Variants in MFSD11 observed in about 807,000 individuals in gnomAD.
The protein encoded by MFSD11 is major facilitator superfamily domain containing 11.
MFSD11 carries 36 observed loss-of-function variants against 53.5 expected under a neutral mutation model. That is an observed-to-expected ratio of 0.67 (90% CI 0.52 to 0.89). MFSD11 has a LOEUF of 0.89. MFSD11 is among the 40% of genes least tolerant of loss of function. The pLI is 0.00. For missense variants in MFSD11, 530 were observed against 543.9 expected, an observed-to-expected ratio of 0.97 and a Z score of 0.25; for synonymous variants, 186 against 184.9, an observed-to-expected ratio of 1.01 and a Z score of -0.05.
Position 76,757,370 on chromosome 17 carries a change from G to C in MFSD11, c.682+3283G>C, listed in dbSNP as rs541410438. On this transcript the variant is annotated intron_variant, in intron 8 of 12. Transcript: ENST00000685175. ...GGGTGCTGCAGGGAAAGTAGACTCA[G>C]GGGCCAGTTCCTGGGCAATTGGGGC... 8.5e-5 allele frequency among the ~76,000 whole-genome samples: 13 copies of C among 152,328 alleles called. No homozygotes were observed. The South Asian group carries it at 2.7e-3, about 32-fold the overall frequency.
upstream of MFSD11, chr17:76,737,873 G>A (rs1288009302): frequency 5.9e-6 from 1 of 168,332 alleles, no homozygotes; most frequent in Admixed American, 6.4e-5. Flanking sequence ...CGTCGGCTCT[G>A]CGTCCTGGCG....
At chr17:76,781,289 G>C (rs2082158039), downstream of MFSD11, 1 of 152,326 alleles carries the variant, frequency 6.6e-6, no homozygotes, top group South Asian at 2.1e-4. Context: ...ATGCTACGGA[G>C]TAGTCCTCAG....
chr17:76,755,911 CCT>C (rs964836227), intron 8 of MFSD11, among the ~76,000 whole-genome samples: 1 of 145,332 alleles, frequency 6.9e-6, no homozygotes, highest in African/African-American at 2.5e-5. Context: ...ACAACCTCCA[CCT>C]CCTGGGTTCA....
upstream of MFSD11, chr17:76,737,374 C>G: frequency 1.9e-6 from 1 of 527,792 alleles, no homozygotes; most frequent in Non-Finnish European, 3.2e-6. Context: ...TCGCTCCTCA[C>G]AAAATGGCGC....
At position 76,754,042 on chromosome 17, in the gene MFSD11, C is replaced by A; in HGVS notation, c.642-5C>A. On this transcript the variant is annotated splice_polypyrimidine_tract_variant and splice_region_variant and intron_variant, in intron 7 of 12. Transcript: ENST00000685175. ...AAACTTATTTTTTACATTTTATTTTCTCAGGTCTGCCCAGAACAATCTGAC... is the reference window on the plus strand; with the variant it reads ...AAACTTATTTTTTACATTTTATTTTATCAGGTCTGCCCAGAACAATCTGAC... 6.2e-7 allele frequency: 1 copy of A among 1,603,932 alleles called. No individual in the cohort carries two copies. Among genetic ancestry groups the A allele is most frequent in the Non-Finnish European group, 8.5e-7 (1 of 1,175,866 alleles).
chr17:76,752,820 A>T (rs1395290383), intron 7 of MFSD11: 1 of 152,184 alleles, frequency 6.6e-6, no homozygotes, highest in Non-Finnish European at 1.5e-5. Context: ...CCTGAGGTAA[A>T]TATTAGTACA....
chr17:76,791,605 TG>T, the MFSD11 span, among the ~76,000 whole-genome samples: 1 of 148,628 alleles, frequency 6.7e-6, no homozygotes, highest in Non-Finnish European at 1.5e-5. Flanking sequence ...CCATGTGCCG[TG>T]GGGGAGCCGC....
chr17:76,740,936 G>A (rs754868746), intron 2 of MFSD11, 21 bp from the exon 3 acceptor site: 34 of 1,135,288 alleles, frequency 3.0e-5, no homozygotes, highest in South Asian at 8.5e-5. Context: ...TTTTTTTTCC[G>A]TTTGTGTATT....
At position 76,742,201 on chromosome 17, in the gene MFSD11, G is replaced by T; in HGVS notation, c.365G>T (p.Cys122Phe). 1 of 1,614,184 alleles carries T rather than the reference G, an allele frequency of 6.2e-7. No individual in the cohort carries two copies. The highest frequency in any genetic ancestry group is 2.2e-5 in the East Asian group (1 of 44,874). The change falls in exon 5 of 13, where the codon TGC (cysteine) becomes TTC (phenylalanine). Residue 122 changes from cysteine to phenylalanine, a missense_variant. Cys to Phe is a radical substitution (Grantham distance 205, BLOSUM62 -2). Transcript: ENST00000685175. Reference protein sequence around the residue: ...AAVLWTAQGNCLTINSDEHSI... With the variant: ...AAVLWTAQGNFLTINSDEHSI... The stretch of plus-strand genomic sequence containing the variant: ...GTGCTTTGGACAGCACAAGGAAACT[G>T]CCTGACAATCAATTCGGATGAGCAC...
chr17:76,779,254 C>CAAAAAAAAAAAAAAAAA lies in MFSD11; in HGVS notation c.*906_*922dup, dbSNP rs943666105. 30 of 48,626 alleles carry CAAAAAAAAAAAAAAAAA rather than the reference C, an allele frequency of 6.2e-4. No homozygotes were observed. The highest frequency in any genetic ancestry group is 2.7e-3 in the East Asian group (4 of 1,482). The allele number at this position is 48,626 out of a possible 1,614,324, so 3.0% of individuals were successfully genotyped here. On this transcript the variant is annotated 3_prime_UTR_variant, in exon 13 of 13. Coordinates refer to ENST00000685175, the MANE Select transcript of MFSD11 (RefSeq NM_001242532.5). ...GGATGACAAGAGTGAAACTCCATCTCAAAAAAAAAAAAAAAAAAAAGAAAA... is the reference window on the plus strand; with the variant it reads ...GGATGACAAGAGTGAAACTCCATCTCAAAAAAAAAAAAAAAAAAAAAAAAAAAAAAAAAAAAAGAAAA...
chr17:76,777,262 C>T (rs927832964), intron 12 of MFSD11, among the ~76,000 whole-genome samples: 10 of 143,658 alleles, frequency 7.0e-5, no homozygotes, highest in African/African-American at 2.6e-4. Context: ...AGCGAGACTC[C>T]GTCTCAAAAA....
downstream of MFSD11, among the ~76,000 whole-genome samples, chr17:76,780,517 G>GT (rs80157532): frequency 0.082 from 11,042 of 134,370 alleles, 1,315 homozygotes; most frequent in African/African-American, 0.27. Context: ...TTGTGTATGT[G>GT]TTTTTTTTTT....
chr17:76,775,048 C>T lies in MFSD11; in HGVS notation c.926C>T (p.Pro309Leu), dbSNP rs1269410111. 2 of 1,614,050 alleles carry T rather than the reference C, an allele frequency of 1.2e-6. No individual in the cohort carries two copies. Among genetic ancestry groups the T allele is most frequent in the Non-Finnish European group, 8.5e-7 (1 of 1,179,964 alleles). ...AAGAACAATCGTTTTGGTAGAAATC[C>T]AGTTGTGCTGTTGGGCATCCTGGTG... ...LSKNNRFGRN[P>L]VVLLGILVHF... The change falls in exon 11 of 13, where the codon CCA becomes CTA. Residue 309 changes from proline to leucine, a missense_variant. Physicochemically the swap from Pro to Leu is moderately conservative, Grantham distance 98. Transcript: ENST00000685175.
chr17:76,778,130 A>G lies in MFSD11; in HGVS notation c.1186-58A>G, dbSNP rs187811900. On this transcript the variant is annotated intron_variant, in intron 12 of 12. Transcript: ENST00000685175. ...AGGATAGGAGTGGGGCTAGGGGCTA[A>G]CTGTGGCTCAGTGTGGCCCCCGGTG... The G allele has an allele frequency of 4.8e-5, 77 of 1,589,076 alleles. No individual in the cohort carries two copies. In the African/African-American group the frequency reaches 7.8e-4, roughly 16 times the overall value.
At chr17:76,765,329 A>T (rs1238592220) in intron 8 of MFSD11, among the ~76,000 whole-genome samples, 2 of 151,896 alleles carry the variant, frequency 1.3e-5, no homozygotes, top group Non-Finnish European at 2.9e-5. Flanking sequence ...AGATAGATAG[A>T]TATATTCTTA....
the MFSD11 span, among the ~76,000 whole-genome samples, chr17:76,797,171 T>C: frequency 1.3e-5 from 2 of 151,698 alleles, no homozygotes; most frequent in African/African-American, 4.8e-5. Flanking sequence ...TCTTCCTCAA[T>C]TAAAAAAGAA....
Position 76,738,141 on chromosome 17 carries a change from C to G in MFSD11, c.-212C>G, listed in dbSNP as rs538001372. 95 of 598,630 alleles carry G rather than the reference C, an allele frequency of 1.6e-4. No individual in the cohort carries two copies. The African/African-American group carries it at 1.6e-3, about 10-fold the overall frequency. 37.1% of individuals were successfully genotyped at this position (598,630 alleles called of 1,614,324 possible). On this transcript the variant is annotated 5_prime_UTR_variant, in exon 1 of 13. Transcript: ENST00000685175. ...GTTGTGCTCTTCCGTACTCGGATCG[C>G]TTCTTAGGAGTATCCTAACTGCCGG...
At chr17:76,783,418 C>T (rs1230661081), downstream of MFSD11, among the ~76,000 whole-genome samples, 2 of 152,042 alleles carry the variant, frequency 1.3e-5, no homozygotes, top group Admixed American at 6.6e-5. Flanking sequence ...AAACATTCTC[C>T]CCTCCCCTCC....
At chr17:76,783,347 A>G (rs1343130737), downstream of MFSD11, among the ~76,000 whole-genome samples, 1 of 151,966 alleles carries the variant, frequency 6.6e-6, no homozygotes, top group Non-Finnish European at 1.5e-5. Flanking sequence ...CTATATTTAG[A>G]TTTGGCTTAG....
Sources: allele counts gnomAD v4.1 joint callset (sites outside exome capture counted in the v4.1 genomes callset), GRCh38; gene constraint gnomAD v4.1.1; transcripts MANE v1.5; gene names NCBI Gene and HGNC (gene_info 2026-07-23, HGNC 2026-07-21).